Variants in INTS4 observed in about 807,000 individuals in gnomAD.
INTS4 encodes MSTP093.
Under a neutral mutation model 119.5 loss-of-function variants are expected in INTS4, and 70 were observed. That is an observed-to-expected ratio of 0.59 (90% CI 0.48 to 0.71). The LOEUF is 0.71. Among genes scored for constraint, INTS4 ranks in the 30% least tolerant of loss-of-function variants. The probability of loss-of-function intolerance (pLI) is 0.00; values close to 1 mark genes in which losing one functional copy is unlikely to be tolerated. For missense variants in INTS4, 867 were observed against 1,173.2 expected (o/e 0.74, Z 3.81); for synonymous variants, 316 against 419.6 (o/e 0.75, Z 3.02).
chr11:77,900,133 T>C (rs1952715131), intron 18 of INTS4, among the ~76,000 whole-genome samples: 1 of 151,888 alleles, frequency 6.6e-6, no homozygotes, highest in Non-Finnish European at 1.5e-5. Flanking sequence ...GGAGTCTTGC[T>C]CTGTTGCCCA....
At position 77,961,018 on chromosome 11, in the gene INTS4, T is replaced by C; in HGVS notation, c.592A>G (p.Lys198Glu). Reference sequence around the variant, plus strand: ...TCACTGAAGTAATCCCCTATAATCTTCTGGACATCTCTGGCAGCTAGGCCT... The same window carrying C: ...TCACTGAAGTAATCCCCTATAATCTCCTGGACATCTCTGGCAGCTAGGCCT... ...AEGLAARDVQ[K>E]IIGDYFSDQD... Residue 198 changes from lysine to glutamate, a missense_variant, in exon 5 of 23, where the codon AAG becomes GAG. By Grantham distance (56) the Lys-to-Glu change is moderately conservative (BLOSUM62 1). This residue lies in a region of INTS4 where 224 missense variants were observed against 231.8 expected (regional missense o/e 0.97). Coordinates refer to ENST00000534064, the MANE Select transcript of INTS4 (RefSeq NM_033547.4). 6.2e-7 allele frequency: 1 copy of C among 1,613,866 alleles called. No individual in the cohort carries two copies. The highest frequency in any genetic ancestry group is 8.5e-7 in the Non-Finnish European group (1 of 1,179,872).
intron 4 of INTS4, among the ~76,000 whole-genome samples, chr11:77,975,410 T>C (rs1315458135): frequency 6.6e-6 from 1 of 152,178 alleles, no homozygotes; most frequent in Non-Finnish European, 1.5e-5. Context: ...TAATTTATAA[T>C]TTCATCCCAC....
chr11:77,891,272 A>G (rs1305171289), intron 21 of INTS4, 47 bp downstream of exon 21: 1 of 1,587,212 alleles, frequency 6.3e-7, no homozygotes, highest in Admixed American at 1.7e-5. Context: ...AAATACTTCA[A>G]CACAATGTCA....
intron 4 of INTS4, among the ~76,000 whole-genome samples, chr11:77,974,184 T>A (rs1855849878): frequency 6.6e-6 from 1 of 151,780 alleles, no homozygotes. Flanking sequence ...GTCTTTCTAA[T>A]AATTTGTCCA....
intron 15 of INTS4, 46 bp from the exon 16 acceptor site, chr11:77,907,856 G>A (rs753027868): frequency 2.5e-6 from 3 of 1,183,594 alleles, no homozygotes; most frequent in South Asian, 2.5e-5. Flanking sequence ...TAAGGATAAT[G>A]CCACCAACAT....
chr11:77,950,819 C>T (rs1395150116), intron 8 of INTS4, among the ~76,000 whole-genome samples: 2 of 151,446 alleles, frequency 1.3e-5, no homozygotes, highest in African/African-American at 2.4e-5. Flanking sequence ...TGTGCTGTAC[C>T]CATCAACTGG....
At chr11:77,893,891 TTAAATAAATAAA>T (rs56269909) in intron 19 of INTS4, among the ~76,000 whole-genome samples, 8 of 137,868 alleles carry the variant, frequency 5.8e-5, no homozygotes, top group East Asian at 4.2e-4. Flanking sequence ...AGACTCTGTC[TTAAATAAATAAA>T]TAAATAAATA....
At chr11:77,943,929 G>A (rs1273772187) in intron 8 of INTS4, among the ~76,000 whole-genome samples, 1 of 152,198 alleles carries the variant, frequency 6.6e-6, no homozygotes, top group Non-Finnish European at 1.5e-5. Flanking sequence ...CCCTGGGAAA[G>A]ACCAGTCATG....
intron 22 of INTS4, among the ~76,000 whole-genome samples, chr11:77,880,294 C>T (rs956452876): frequency 6.6e-6 from 1 of 152,180 alleles, no homozygotes; most frequent in Non-Finnish European, 1.5e-5. Context: ...TACATCCAAG[C>T]TTCTCTCTAT....
intron 22 of INTS4, among the ~76,000 whole-genome samples, chr11:77,880,069 G>T (rs1424484489): frequency 1.3e-5 from 2 of 152,190 alleles, no homozygotes; most frequent in Non-Finnish European, 2.9e-5. Flanking sequence ...AAGAGGGAGA[G>T]AATTTCAGAA....
chr11:77,978,086 T>TA (rs1856023981), intron 4 of INTS4: 1 of 152,076 alleles, frequency 6.6e-6, no homozygotes. Flanking sequence ...GAGATGGGGT[T>TA]TCACCATGTT....
rs1205372757 is a variant in INTS4, at chr11:77,991,303, C to A, written c.55-4G>T. ...TAGTAGCAATTTCCTCCTGTGGCTG[C>A]AAGGGGTAGAGAAAATCGAAAACAC... On this transcript the variant is annotated splice_polypyrimidine_tract_variant and splice_region_variant and intron_variant, in intron 1 of 22. Transcript: ENST00000534064. 1 of 1,611,424 alleles carries A rather than the reference C, an allele frequency of 6.2e-7. No individual in the cohort carries two copies. The highest frequency in any genetic ancestry group is 1.7e-5 in the Admixed American group (1 of 59,924).
chr11:77,876,061 C>G (rs1373529393), downstream of INTS4, among the ~76,000 whole-genome samples: 1 of 152,048 alleles, frequency 6.6e-6, no homozygotes, highest in African/African-American at 2.4e-5. Flanking sequence ...TTAAGGAGGG[C>G]TGATGGTGGT....
At chr11:77,930,846 A>G (rs1287244716) in intron 10 of INTS4, among the ~76,000 whole-genome samples, 2 of 152,190 alleles carry the variant, frequency 1.3e-5, no homozygotes, top group East Asian at 3.8e-4. Flanking sequence ...ATAAATAAAT[A>G]ATATGTCACA....
intron 10 of INTS4, among the ~76,000 whole-genome samples, chr11:77,938,067 G>C (rs1221682807): frequency 6.6e-6 from 1 of 151,772 alleles, no homozygotes; most frequent in Non-Finnish European, 1.5e-5. Flanking sequence ...GGCTGGTCTT[G>C]AACTCCTGGC....
At chr11:77,933,916 G>A (rs1036430523) in intron 10 of INTS4, among the ~76,000 whole-genome samples, 2 of 152,196 alleles carry the variant, frequency 1.3e-5, no homozygotes, top group Non-Finnish European at 2.9e-5. Context: ...ATTGAGAGCG[G>A]GCCATGATGA....
At chr11:77,936,424 C>A (rs373415310) in intron 10 of INTS4, among the ~76,000 whole-genome samples, 1 of 152,176 alleles carries the variant, frequency 6.6e-6, no homozygotes, top group East Asian at 1.9e-4. Flanking sequence ...GCTCTGTCAC[C>A]CAGACTGGAG....
chr11:77,969,291 TCCCA>T (rs1429319880), intron 4 of INTS4, among the ~76,000 whole-genome samples: 2 of 152,098 alleles, frequency 1.3e-5, no homozygotes, highest in Non-Finnish European at 2.9e-5. Flanking sequence ...CATGCAATTC[TCCCA>T]GAAAACGTAC....
Position 77,921,009 on chromosome 11 carries a change from G to C in INTS4, c.1764+331C>G, listed in dbSNP as rs569108559. 2.0e-5 allele frequency among the ~76,000 whole-genome samples: 3 copies of C among 151,868 alleles called. No individual in the cohort carries two copies. The East Asian group carries it at 5.8e-4, about 29-fold the overall frequency. ...AAAATGAATCATCTTAAAAGGTAAA[G>C]GATACAAAAGCAAAAGTATAAAACA... is the stretch of plus-strand genomic sequence containing the variant. On this transcript the variant is annotated intron_variant, in intron 14 of 22. Coordinates refer to ENST00000534064, the MANE Select transcript of INTS4 (RefSeq NM_033547.4).
Sources: gnomAD v4.1 joint callset for allele counts (sites outside exome capture counted in the v4.1 genomes callset) on GRCh38, gnomAD v4.1.1 for gene constraint, gnomAD v4.1.1 regional missense constraint, MANE v1.5 for transcripts, NCBI Gene and HGNC (gene_info 2026-07-23, HGNC 2026-07-21) for gene names.